Variants in TENM2 observed in about 807,000 individuals in gnomAD.
The protein encoded by TENM2 is teneurin-2.
In TENM2, 52 loss-of-function variants were observed where a neutral mutation model predicts 245.2. The observed-to-expected ratio is 0.21, with a 90% CI of 0.17 to 0.27. The LOEUF (loss-of-function observed/expected upper bound fraction) is 0.27. Among genes scored for constraint, TENM2 ranks in the 10% least tolerant of loss-of-function variants. The pLI is 1.00. For synonymous variants in TENM2, 1,363 were observed against 1,438.9 expected (o/e 0.95, Z 1.19); for missense variants, 3,046 against 3,666.8 (o/e 0.83, Z 4.37).
the TENM2 span, among the ~76,000 whole-genome samples, chr5:167,143,601 G>C: frequency 6.6e-6 from 1 of 152,154 alleles, no homozygotes; most frequent in African/African-American, 2.4e-5. Context: ...GCATGAAGTG[G>C]TTGCTAGTAG....
intron 2 of TENM2, among the ~76,000 whole-genome samples, chr5:167,846,627 T>C (rs1388679961): frequency 6.6e-6 from 1 of 152,166 alleles, no homozygotes; most frequent in East Asian, 1.9e-4. Context: ...TTCAATAACA[T>C]TAAAAATTTA....
the TENM2 span, among the ~76,000 whole-genome samples, chr5:167,105,289 A>AT: frequency 6.6e-6 from 1 of 152,204 alleles, no homozygotes; most frequent in African/African-American, 2.4e-5. Context: ...GTTCTTGAAC[A>AT]TATCCATAAT....
chr5:168,144,335 C>A (rs1360618813), intron 12 of TENM2, among the ~76,000 whole-genome samples: 1 of 152,032 alleles, frequency 6.6e-6, no homozygotes, highest in Non-Finnish European at 1.5e-5. Context: ...CCCCCCTACC[C>A]CCACCCCACA....
chr5:167,154,726 G>A, the TENM2 span, among the ~76,000 whole-genome samples: 1 of 152,108 alleles, frequency 6.6e-6, no homozygotes. Flanking sequence ...GTGTGACCTT[G>A]TGTAAGTGAC....
intron 1 of TENM2, among the ~76,000 whole-genome samples, chr5:167,333,036 C>A (rs1757549384): frequency 6.6e-6 from 1 of 151,954 alleles, no homozygotes; most frequent in Non-Finnish European, 1.5e-5. Flanking sequence ...GAATTTAAAC[C>A]CCAGAAACAG....
intron 3 of TENM2, among the ~76,000 whole-genome samples, chr5:167,887,842 CA>C (rs2151442657): frequency 6.6e-6 from 1 of 152,258 alleles, no homozygotes; most frequent in Non-Finnish European, 1.5e-5. Flanking sequence ...CTACAAGTTC[CA>C]AACCATGCTC....
intron 7 of TENM2, among the ~76,000 whole-genome samples, chr5:168,067,998 A>G (rs1421600805): frequency 1.3e-5 from 2 of 152,188 alleles, no homozygotes; most frequent in Admixed American, 6.6e-5. Flanking sequence ...TGTGAAACCA[A>G]GAGAACCTTG....
At chr5:168,202,996 G>A (rs1270290982) in intron 17 of TENM2, among the ~76,000 whole-genome samples, 1 of 152,222 alleles carries the variant, frequency 6.6e-6, no homozygotes, top group Non-Finnish European at 1.5e-5. Flanking sequence ...CCAAGGAAGC[G>A]TGAGCTTGGA....
At chr5:167,275,851 T>G in the TENM2 span, among the ~76,000 whole-genome samples, 1 of 152,060 alleles carries the variant, frequency 6.6e-6, no homozygotes, top group African/African-American at 2.4e-5. Flanking sequence ...GCTTCTTACT[T>G]TCCTTTCTTG....
upstream of TENM2, among the ~76,000 whole-genome samples, chr5:167,281,194 C>T (rs4869026): frequency 0.85 from 128,292 of 150,992 alleles, 56,057 homozygotes; most frequent in East Asian, 0.98. Flanking sequence ...CTGCAACCTC[C>T]GCTTTCCGGG....
the TENM2 span, among the ~76,000 whole-genome samples, chr5:167,265,651 TAC>T: frequency 6.6e-6 from 1 of 152,144 alleles, no homozygotes; most frequent in Non-Finnish European, 1.5e-5. Flanking sequence ...TGGAAAATTG[TAC>T]AGACTCTCCA....
At chr5:168,225,839 G>C (rs1331977474) in intron 23 of TENM2, among the ~76,000 whole-genome samples, 1 of 151,994 alleles carries the variant, frequency 6.6e-6, no homozygotes, top group Admixed American at 6.6e-5. Flanking sequence ...ACTAACTAGA[G>C]GAAGCCTGAG....
chr5:167,155,622 C>A, the TENM2 span, among the ~76,000 whole-genome samples: 1 of 152,132 alleles, frequency 6.6e-6, no homozygotes, highest in Non-Finnish European at 1.5e-5. Context: ...TGCCATAGAG[C>A]CGTGGCGTAG....
chr5:167,479,206 T>G (rs1767600377), intron 2 of TENM2, among the ~76,000 whole-genome samples: 1 of 152,220 alleles, frequency 6.6e-6, no homozygotes. Context: ...ATGGTTTTTT[T>G]GTAAAGACCA....
chr5:167,262,640 T>G, the TENM2 span, among the ~76,000 whole-genome samples: 2 of 152,048 alleles, frequency 1.3e-5, no homozygotes, highest in Non-Finnish European at 2.9e-5. Flanking sequence ...ACTTGGAAAG[T>G]TAAAGAAGAT....
chr5:167,900,881 T>TG (rs1775647062), intron 3 of TENM2, among the ~76,000 whole-genome samples: 1 of 142,924 alleles, frequency 7.0e-6, no homozygotes, highest in Non-Finnish European at 1.5e-5. Context: ...AGTGACCACC[T>TG]GGGGGACTTT....
chr5:167,403,922 A>C (rs1762496975), intron 2 of TENM2, among the ~76,000 whole-genome samples: 1 of 149,378 alleles, frequency 6.7e-6, no homozygotes. Context: ...TTTTTAAGTA[A>C]TTTTTTCTTA....
chr5:167,739,102 C>T (rs1760997925), intron 2 of TENM2, among the ~76,000 whole-genome samples: 1 of 152,166 alleles, frequency 6.6e-6, no homozygotes, highest in Non-Finnish European at 1.5e-5. Flanking sequence ...TTATTCCTTG[C>T]AATAGGAGCC....
chr5:167,045,918 A>G, the TENM2 span, among the ~76,000 whole-genome samples: 1 of 152,284 alleles, frequency 6.6e-6, no homozygotes, highest in East Asian at 1.9e-4. Context: ...AGAATTAGTA[A>G]TGTCAGAGGG....
Sources: gnomAD v4.1 joint callset for allele counts (sites outside exome capture counted in the v4.1 genomes callset) on GRCh38, gnomAD v4.1.1 for gene constraint, MANE v1.5 for transcripts, NCBI Gene and HGNC (gene_info 2026-07-23, HGNC 2026-07-21) for gene names.